TXNRD3: variants seen among roughly 807,000 people sequenced by gnomAD.
TXNRD3 encodes TXNRD3 neighbor gene protein.
A neutral mutation model predicts 78.2 loss-of-function variants in TXNRD3; 68 were observed. The ratio of observed to expected loss-of-function variants is 0.87; its 90% CI spans 0.72 to 1.06. The LOEUF (loss-of-function observed/expected upper bound fraction) is 1.06, where lower values mean the gene tolerates loss of function less well. Among genes scored for constraint, TXNRD3 ranks in the 50% least tolerant of loss-of-function variants. The pLI is 0.00. For synonymous variants in TXNRD3, 296 were observed against 300.1 expected, an observed-to-expected ratio of 0.99 and a Z score of 0.14; for missense variants, 751 against 809.5, an observed-to-expected ratio of 0.93 and a Z score of 0.88.
At chr3:126,621,088 C>T (rs1036409142) in intron 12 of TXNRD3, among the ~76,000 whole-genome samples, 7 of 152,216 alleles carry the variant, frequency 4.6e-5, no homozygotes, top group Admixed American at 6.5e-5. Flanking sequence ...GCCGAGTTAT[C>T]TGCCCACCTG....
chr3:126,615,469 G>C lies in TXNRD3; in HGVS notation c.1525-7C>G. The C allele has an allele frequency of 7.2e-7, 1 of 1,387,818 alleles. No homozygotes were observed. Among genetic ancestry groups the C allele is most frequent in the Non-Finnish European group, 9.6e-7 (1 of 1,039,090 alleles). 86.0% of individuals were successfully genotyped at this position (1,387,818 alleles called of 1,614,324 possible). A position where few individuals can be genotyped will look rare whatever the true frequency, so the allele number is the denominator to read the frequency against. ...GAACATTAATATAATCACACTGAAA[G>C]ACAAACAAATTACATTGTCTTATTT... On this transcript the variant is annotated splice_polypyrimidine_tract_variant and splice_region_variant and intron_variant, in intron 12 of 15. Coordinates refer to ENST00000524230, the MANE Select transcript of TXNRD3 (RefSeq NM_052883.3).
At chr3:126,618,321 A>G (rs1559771528) in intron 12 of TXNRD3, among the ~76,000 whole-genome samples, 2 of 152,264 alleles carry the variant, frequency 1.3e-5, no homozygotes, top group African/African-American at 4.8e-5. Flanking sequence ...ATTTCAAAAT[A>G]TACTACAAGT....
intron 1 of TXNRD3, among the ~76,000 whole-genome samples, chr3:126,653,328 G>C (rs1933433752): frequency 6.6e-6 from 1 of 152,050 alleles, no homozygotes; most frequent in Admixed American, 6.6e-5. Context: ...CAAAGAATAA[G>C]CATCCTAAAT....
In TXNRD3 at chr3:126,644,353, A is replaced by G; in HGVS notation, c.463T>C (p.Tyr155His). Residue 155 changes from tyrosine (Y) to histidine (H), a missense_variant, in exon 4 of 16, where the codon TAT becomes CAT. Tyr to His is a moderately conservative substitution (Grantham distance 83). Coordinates refer to ENST00000524230, the MANE Select transcript of TXNRD3 (RefSeq NM_052883.3). ...CCGATGATGATGAGATCATAATCAT[A>G]TGCCAAATCTTCCTGAAGGAGCTTC... 6.5e-7 allele frequency: 1 copy of G among 1,536,462 alleles called. No individual in the cohort carries two copies. The highest frequency in any genetic ancestry group is 2.4e-5 in the East Asian group (1 of 40,914).
In TXNRD3 at chr3:126,607,137, A is replaced by C. The variant is rs543892019; in HGVS notation, c.*768T>G. 1 of 152,376 alleles carries C rather than the reference A, an allele frequency of 6.6e-6. No homozygotes were observed. The highest frequency in any genetic ancestry group is 2.1e-4 in the South Asian group (1 of 4,830). 9.4% of individuals were successfully genotyped at this position (152,376 alleles called of 1,614,324 possible). ...AGATAAATTAGTTAGATTTCACATAATACAGTATTAAAAACTTTTGGAAAT... is the reference window on the plus strand; with the variant it reads ...AGATAAATTAGTTAGATTTCACATACTACAGTATTAAAAACTTTTGGAAAT... On this transcript the variant is annotated 3_prime_UTR_variant, in exon 16 of 16. Transcript: ENST00000524230.
chr3:126,638,069 G>A (rs1576292668), intron 6 of TXNRD3, among the ~76,000 whole-genome samples: 2 of 147,234 alleles, frequency 1.4e-5, no homozygotes, highest in Non-Finnish European at 3.0e-5. Context: ...TCAACCTCCC[G>A]AGTAGCTGGG....
At chr3:126,608,222 A>T (rs111649375) in intron 15 of TXNRD3, among the ~76,000 whole-genome samples, 1 of 152,032 alleles carries the variant, frequency 6.6e-6, no homozygotes, top group Non-Finnish European at 1.5e-5. Context: ...TTAGCCAGGC[A>T]TGGTGGTGCA....
At chr3:126,638,767 T>C (rs1439175372) in intron 6 of TXNRD3, among the ~76,000 whole-genome samples, 1 of 152,128 alleles carries the variant, frequency 6.6e-6, no homozygotes, top group East Asian at 1.9e-4. Flanking sequence ...GTATTTTGTA[T>C]AGGGGGAACT....
intron 10 of TXNRD3, among the ~76,000 whole-genome samples, chr3:126,623,514 T>C (rs552322244): frequency 2.5e-4 from 38 of 152,322 alleles, no homozygotes; most frequent in African/African-American, 9.1e-4. Context: ...CAAGTGAGTT[T>C]GTCCCCAAAA....
At chr3:126,654,333 T>A (rs1411196637) in intron 1 of TXNRD3, among the ~76,000 whole-genome samples, 1 of 152,224 alleles carries the variant, frequency 6.6e-6, no homozygotes, top group African/African-American at 2.4e-5. Flanking sequence ...ACGTAGGTTA[T>A]CACCCAAAGG....
intron 5 of TXNRD3, among the ~76,000 whole-genome samples, chr3:126,642,529 CA>C (rs1933120294): frequency 6.6e-6 from 1 of 152,346 alleles, no homozygotes; most frequent in East Asian, 1.9e-4. Context: ...TTGTCAACTG[CA>C]AGCTGCCTGG....
intron 14 of TXNRD3, among the ~76,000 whole-genome samples, chr3:126,609,589 T>A (rs140080986): frequency 1.3e-5 from 2 of 152,180 alleles, no homozygotes; most frequent in East Asian, 3.9e-4. Context: ...TTCCATTTCG[T>A]AAGTTCGAGG....
At chr3:126,632,141 T>A (rs1444255836) in intron 7 of TXNRD3, among the ~76,000 whole-genome samples, 2 of 151,826 alleles carry the variant, frequency 1.3e-5, no homozygotes, top group African/African-American at 2.4e-5. Flanking sequence ...GATTTTCAAG[T>A]GGAGATAAGA....
At chr3:126,654,484 C>T (rs1455845544) in intron 1 of TXNRD3, among the ~76,000 whole-genome samples, 1 of 152,360 alleles carries the variant, frequency 6.6e-6, no homozygotes, top group East Asian at 1.9e-4. Flanking sequence ...CCTTCCCGTA[C>T]CTTCGTTTCA....
At chr3:126,652,242 G>T (rs779425003) in intron 1 of TXNRD3, among the ~76,000 whole-genome samples, 1 of 152,068 alleles carries the variant, frequency 6.6e-6, no homozygotes, top group Non-Finnish European at 1.5e-5. Context: ...GTGGGGTGGG[G>T]AGATGCTACA....
intron 9 of TXNRD3, 74 bp from the exon 10 acceptor site, chr3:126,629,545 G>T: frequency 8.9e-7 from 1 of 1,121,558 alleles, no homozygotes; most frequent in Non-Finnish European, 1.3e-6. Context: ...GTCTACACCG[G>T]TATGTTCGTG....
At chr3:126,612,695 T>C (rs1181367349) in intron 13 of TXNRD3, among the ~76,000 whole-genome samples, 2 of 152,254 alleles carry the variant, frequency 1.3e-5, no homozygotes, top group Non-Finnish European at 2.9e-5. Context: ...TTTCCTTTCA[T>C]TCTTTCACTG....
intron 6 of TXNRD3, among the ~76,000 whole-genome samples, chr3:126,638,452 AG>A (rs1168701452): frequency 6.6e-6 from 1 of 152,124 alleles, no homozygotes; most frequent in Non-Finnish European, 1.5e-5. Flanking sequence ...AAAGCATTTT[AG>A]CCGGGCACGG....
intron 3 of TXNRD3, 67 bp downstream of exon 3, chr3:126,646,044 T>C: frequency 6.3e-6 from 8 of 1,264,556 alleles, no homozygotes; most frequent in Non-Finnish European, 6.3e-6. Context: ...AACCATTTTC[T>C]CCTCTTTTAA....
Sources: allele counts gnomAD v4.1 joint callset (sites outside exome capture counted in the v4.1 genomes callset), GRCh38; gene constraint gnomAD v4.1.1; transcripts MANE v1.5; gene names NCBI Gene and HGNC (gene_info 2026-07-23, HGNC 2026-07-21).